The following PTAFR variants were observed in gnomAD, a reference collection of about 807,000 sequenced individuals.
PTAFR encodes platelet activating factor receptor, also known as platelet-activating factor receptor.
A neutral mutation model predicts 14.7 loss-of-function variants in PTAFR; 8 were observed. That is an observed-to-expected ratio of 0.54 (90% CI 0.32 to 0.98). PTAFR has a LOEUF of 0.98. Among genes scored for constraint, PTAFR ranks in the 50% least tolerant of loss-of-function variants. The pLI, the probability that PTAFR is intolerant of heterozygous loss-of-function variation, is 0.04. For missense variants in PTAFR, 337 were observed against 451.2 expected, an observed-to-expected ratio of 0.75 and a Z score of 2.29; for synonymous variants, 156 against 176.5, an observed-to-expected ratio of 0.88 and a Z score of 0.92.
upstream of PTAFR, among the ~76,000 whole-genome samples, chr1:28,178,243 A>C (rs180814154): frequency 1.4e-3 from 216 of 152,124 alleles, 1 homozygote; most frequent in African/African-American, 5.1e-3. Flanking sequence ...CAAAGGACAA[A>C]ACACTTTTTT....
chr1:28,160,061 A>T (rs1646305933), intron 1 of PTAFR, among the ~76,000 whole-genome samples: 3 of 151,526 alleles, frequency 2.0e-5, no homozygotes, highest in African/African-American at 2.4e-5. Context: ...AAAAATTTTT[A>T]AAAGTTAGCT....
intron 1 of PTAFR, among the ~76,000 whole-genome samples, chr1:28,171,471 G>A (rs1646453871): frequency 6.6e-6 from 1 of 152,088 alleles, no homozygotes; most frequent in Admixed American, 6.6e-5. Flanking sequence ...CCCTGACCTG[G>A]CCGTGCCGAC....
At chr1:28,188,001 G>GC (rs1156345390) in intron 1 of PTAFR, among the ~76,000 whole-genome samples, 1 of 149,442 alleles carries the variant, frequency 6.7e-6, no homozygotes, top group African/African-American at 2.5e-5. Flanking sequence ...AACATAGCAA[G>GC]ACCTCATCTC....
At chr1:28,182,738 C>T (rs1429395787) in intron 1 of PTAFR, among the ~76,000 whole-genome samples, 8 of 152,134 alleles carry the variant, frequency 5.3e-5, no homozygotes, top group Non-Finnish European at 7.4e-5. Context: ...TGGAGCGCAA[C>T]GGCACGATCT....
At chr1:28,191,585 A>AG (rs1646652566) in intron 1 of PTAFR, among the ~76,000 whole-genome samples, 1 of 136,436 alleles carries the variant, frequency 7.3e-6, no homozygotes, top group African/African-American at 2.8e-5. Flanking sequence ...AGAAAAAAGA[A>AG]AAGAGAGAGA....
At chr1:28,186,328 T>TA (rs1646606113) in intron 1 of PTAFR, among the ~76,000 whole-genome samples, 5 of 150,502 alleles carry the variant, frequency 3.3e-5, no homozygotes, top group Admixed American at 3.3e-4. Flanking sequence ...CAAAAGTTAT[T>TA]TAAAAAAAAA....
chr1:28,158,148 G>A (rs1190621629), intron 1 of PTAFR, among the ~76,000 whole-genome samples: 1 of 152,098 alleles, frequency 6.6e-6, no homozygotes, highest in Non-Finnish European at 1.5e-5. Flanking sequence ...ATAAGCGGGC[G>A]GTGCTATGAT....
upstream of PTAFR, among the ~76,000 whole-genome samples, chr1:28,177,763 T>C (rs926921787): frequency 6.6e-6 from 1 of 151,520 alleles, no homozygotes; most frequent in African/African-American, 2.4e-5. Flanking sequence ...CAGGCTGGTG[T>C]GGGTTGGCAG....
At chr1:28,162,834 A>AAT (rs1443857407) in intron 1 of PTAFR, among the ~76,000 whole-genome samples, 29 of 149,838 alleles carry the variant, frequency 1.9e-4, no homozygotes, top group Admixed American at 1.7e-3. Context: ...GTCTCCAAAA[A>AAT]AAAAAAAAAA....
At chr1:28,181,516 G>C (rs1194157119), upstream of PTAFR, among the ~76,000 whole-genome samples, 1 of 152,098 alleles carries the variant, frequency 6.6e-6, no homozygotes, top group Non-Finnish European at 1.5e-5. Flanking sequence ...GGAGGCTGAG[G>C]CGGGCGGATC....
intron 1 of PTAFR, among the ~76,000 whole-genome samples, chr1:28,187,653 G>A (rs958243700): frequency 1.2e-4 from 18 of 152,078 alleles, no homozygotes; most frequent in African/African-American, 3.4e-4. Context: ...TAGAGGCACC[G>A]TGTATTTTTT....
At chr1:28,193,684 C>A (rs1050298715) in intron 1 of PTAFR, 1 of 152,626 alleles carries the variant, frequency 6.6e-6, no homozygotes, top group Non-Finnish European at 1.5e-5. Context: ...ACAAAGCGGC[C>A]GAAACTTAGC....
intron 1 of PTAFR, among the ~76,000 whole-genome samples, chr1:28,153,807 A>G (rs2148993499): frequency 6.6e-6 from 1 of 151,738 alleles, no homozygotes; most frequent in South Asian, 2.1e-4. Flanking sequence ...AGAATCGCTT[A>G]AACCCGGGAG....
At chr1:28,185,873 C>T (rs1377111666) in intron 1 of PTAFR, among the ~76,000 whole-genome samples, 2 of 152,088 alleles carry the variant, frequency 1.3e-5, no homozygotes, top group African/African-American at 4.8e-5. Flanking sequence ...AATCATGCTC[C>T]TATAAACAAG....
chr1:28,185,924 A>G (rs1646602504), intron 1 of PTAFR, among the ~76,000 whole-genome samples: 1 of 152,206 alleles, frequency 6.6e-6, no homozygotes, highest in East Asian at 1.9e-4. Context: ...GACACAACTT[A>G]TAACAGCAAG....
At chr1:28,192,083 T>G (rs1383449672) in intron 1 of PTAFR, among the ~76,000 whole-genome samples, 2 of 149,412 alleles carry the variant, frequency 1.3e-5, no homozygotes, top group African/African-American at 5.0e-5. Context: ...AATAAATAAA[T>G]AGTAAAACAT....
rs1020251693 is a variant in PTAFR at position 28,148,525 on chromosome 1, C to T, written c.*1468G>A. 2.2e-4 allele frequency: 33 copies of T among 153,434 alleles called. No homozygotes were observed. The highest frequency in any genetic ancestry group is 7.9e-4 in the African/African-American group (33 of 41,592). 9.5% of individuals were successfully genotyped at this position (153,434 alleles called of 1,614,324 possible). A position where few individuals can be genotyped will look rare whatever the true frequency, so the allele number is the denominator to read the frequency against. On this transcript the variant is annotated 3_prime_UTR_variant, in exon 2 of 2. Transcript: ENST00000373857. ...TGACACAGAGTCTCACTCTGTCGCC[C>T]AGGCTGGAGAGCAGTGGCGTGATCT...
chr1:28,177,587 CT>C (rs1469982905), upstream of PTAFR, among the ~76,000 whole-genome samples: 1 of 152,184 alleles, frequency 6.6e-6, no homozygotes, highest in African/African-American at 2.4e-5. Flanking sequence ...CGGTTGATTT[CT>C]GGAGAGAACT....
At position 28,148,706 on chromosome 1, in the gene PTAFR, G is replaced by C. The variant is rs1007659133; in HGVS notation, c.*1287C>G. 13 of 152,068 alleles carry C rather than the reference G, an allele frequency of 8.5e-5. No individual in the cohort carries two copies. The highest frequency in any genetic ancestry group is 3.1e-4 in the African/African-American group (13 of 41,394). 9.4% of individuals were successfully genotyped at this position (152,068 alleles called of 1,614,324 possible). On this transcript the variant is annotated 3_prime_UTR_variant, in exon 2 of 2. Coordinates refer to ENST00000373857, the MANE Select transcript of PTAFR (RefSeq NM_000952.5). ...CTCAAACTCCTAACTTCAAATGATC[G>C]GCCCACCTCAGCCTCCCAAAGTACT...
Sources: allele counts gnomAD v4.1 joint callset (sites outside exome capture counted in the v4.1 genomes callset), GRCh38; gene constraint gnomAD v4.1.1; transcripts MANE v1.5; gene names NCBI Gene and HGNC (gene_info 2026-07-23, HGNC 2026-07-21).